Variants in FBN1 observed in about 807,000 individuals in gnomAD.
FBN1 encodes the protein fibrillin-1.
FBN1 carries 29 observed loss-of-function variants against 365.1 expected under a neutral mutation model. That is an observed-to-expected ratio of 0.08 (90% CI 0.06 to 0.11). The LOEUF (loss-of-function observed/expected upper bound fraction) is 0.11, where lower values mean the gene tolerates loss of function less well. Among genes scored for constraint, FBN1 ranks in the 10% least tolerant of loss-of-function variants. The pLI, the probability that FBN1 is intolerant of heterozygous loss-of-function variation, is 1.00. For synonymous variants in FBN1, 1,210 were observed against 1,270.5 expected, an observed-to-expected ratio of 0.95 and a Z score of 1.01; for missense variants, 2,476 against 3,703.2, an observed-to-expected ratio of 0.67 and a Z score of 8.60.
rs181756931 is a variant in FBN1 at position 48,488,090 on chromosome 15, T to G, written c.3337+23A>C. 7.9e-4 allele frequency: 1,268 copies of G among 1,614,134 alleles called. 2 individuals carry two copies. The highest frequency in any genetic ancestry group is 1.0e-3 in the Non-Finnish European group (1,198 of 1,179,978). On this transcript the variant is annotated intron_variant, in intron 27 of 65. Coordinates refer to ENST00000316623, the MANE Select transcript of FBN1 (RefSeq NM_000138.5). Reference sequence around the variant, plus strand: ...TCATGGAATCCTTCTCTTTCTGTGTTGATCAAATGATCCCAAACTTACCCA... The same window carrying G: ...TCATGGAATCCTTCTCTTTCTGTGTGGATCAAATGATCCCAAACTTACCCA...
chr15:48,554,420 G>A (rs1287348663), intron 6 of FBN1, among the ~76,000 whole-genome samples: 4 of 152,192 alleles, frequency 2.6e-5, no homozygotes, highest in Non-Finnish European at 5.9e-5. Flanking sequence ...CAGTGTTGGA[G>A]TGTTGTTTGC....
At chr15:48,529,105 A>C (rs1444111171) in intron 8 of FBN1, 1 of 152,226 alleles carries the variant, frequency 6.6e-6, no homozygotes, top group Non-Finnish European at 1.5e-5. Flanking sequence ...AGTTTCTATA[A>C]ATCAGGCTGT....
chr15:48,476,236 C>T (rs1286835476), intron 32 of FBN1, among the ~76,000 whole-genome samples: 1 of 152,224 alleles, frequency 6.6e-6, no homozygotes, highest in Non-Finnish European at 1.5e-5. Context: ...GTCGAAACTT[C>T]TTTCTGCCTC....
chr15:48,432,734 C>T, intron 55 of FBN1, 132 bp downstream of exon 55: 1 of 1,201,912 alleles, frequency 8.3e-7, no homozygotes, highest in Non-Finnish European at 1.2e-6. Flanking sequence ...GTGGCAGTGA[C>T]AACCCCCGTA....
chr15:48,422,908 C>G (rs1188428660), intron 60 of FBN1, among the ~76,000 whole-genome samples: 2 of 152,080 alleles, frequency 1.3e-5, no homozygotes, highest in Admixed American at 6.5e-5. Context: ...GCCTGGGCAA[C>G]AGAGTGAAAC....
intron 19 of FBN1, among the ~76,000 whole-genome samples, chr15:48,496,939 A>AC (rs1238112374): frequency 6.6e-6 from 1 of 152,228 alleles, no homozygotes. Flanking sequence ...ATCAAGGTTG[A>AC]CTTTGTAGTC....
chr15:48,542,939 G>C (rs1476988583), intron 6 of FBN1, among the ~76,000 whole-genome samples: 1 of 151,854 alleles, frequency 6.6e-6, no homozygotes, highest in Non-Finnish European at 1.5e-5. Context: ...CTAACTTTAG[G>C]AACATAAGCC....
intron 16 of FBN1, among the ~76,000 whole-genome samples, chr15:48,504,593 T>C (rs1387959188): frequency 6.6e-6 from 1 of 152,230 alleles, no homozygotes; most frequent in Non-Finnish European, 1.5e-5. Flanking sequence ...GTCTCATACT[T>C]TTTATAAAGC....
At chr15:48,461,173 C>G (rs1353050767) in intron 42 of FBN1, among the ~76,000 whole-genome samples, 1 of 152,158 alleles carries the variant, frequency 6.6e-6, no homozygotes, top group Non-Finnish European at 1.5e-5. Context: ...CACTGTAACG[C>G]CAGCTGACAT....
intron 6 of FBN1, among the ~76,000 whole-genome samples, chr15:48,546,647 A>G (rs1467992249): frequency 6.6e-6 from 1 of 152,178 alleles, no homozygotes; most frequent in Non-Finnish European, 1.5e-5. Context: ...AAAGCTCAAT[A>G]AAAAGCCACT....
intron 32 of FBN1, among the ~76,000 whole-genome samples, chr15:48,475,438 T>C (rs1434150076): frequency 6.6e-6 from 1 of 152,200 alleles, no homozygotes; most frequent in Non-Finnish European, 1.5e-5. Flanking sequence ...TTAGCCAAGA[T>C]AGACTCTCTA....
At chr15:48,571,572 T>C (rs1021576008) in intron 6 of FBN1, among the ~76,000 whole-genome samples, 6 of 152,142 alleles carry the variant, frequency 3.9e-5, no homozygotes, top group African/African-American at 1.4e-4. Flanking sequence ...TTTAAGAACC[T>C]ATTTCAATAA....
intron 52 of FBN1, 73 bp downstream of exon 52, chr15:48,437,249 A>C: frequency 1.4e-6 from 2 of 1,439,364 alleles, no homozygotes; most frequent in Non-Finnish European, 2.0e-6. Context: ...AGATGGAGAA[A>C]AATAAGAATA....
chr15:48,516,099 G>T, intron 11 of FBN1, 84 bp downstream of exon 11: 1 of 1,297,152 alleles, frequency 7.7e-7, no homozygotes, highest in Non-Finnish European at 1.1e-6. Flanking sequence ...CTTATTTAAT[G>T]ACTAAAGTAG....
intron 63 of FBN1, 26 bp downstream of exon 63, chr15:48,420,661 C>A: frequency 6.2e-7 from 1 of 1,613,862 alleles, no homozygotes; most frequent in Non-Finnish European, 8.5e-7. Context: ...AGCCATGCAT[C>A]TTGAGAGTGA....
intron 6 of FBN1, among the ~76,000 whole-genome samples, chr15:48,557,198 T>C (rs939329560): frequency 2.0e-4 from 31 of 152,190 alleles, no homozygotes; most frequent in Non-Finnish European, 4.0e-4. Flanking sequence ...TGTGAATTCC[T>C]GACTTTGAGG....
At chr15:48,498,359 T>G (rs2043625659) in intron 18 of FBN1, among the ~76,000 whole-genome samples, 1 of 152,208 alleles carries the variant, frequency 6.6e-6, no homozygotes, top group Non-Finnish European at 1.5e-5. Flanking sequence ...CAGTCCATGT[T>G]CTTTCAGATC....
At chr15:48,536,787 C>G (rs764546572) in intron 7 of FBN1, among the ~76,000 whole-genome samples, 1 of 152,182 alleles carries the variant, frequency 6.6e-6, no homozygotes, top group African/African-American at 2.4e-5. Flanking sequence ...TTGCACATTA[C>G]CCTTAGAATT....
intron 6 of FBN1, among the ~76,000 whole-genome samples, chr15:48,568,049 G>GAAAGAAGAAAGAAAGAAAGAAAGA (rs369157930): frequency 1.2e-3 from 50 of 40,122 alleles, no homozygotes; most frequent in African/African-American, 3.3e-3. Context: ...AAGAAAGAAA[G>GAAAGAAGAAAGAAAGAAAGAAAGA]AAGAAAGAAA....
Sources: allele counts gnomAD v4.1 joint callset (sites outside exome capture counted in the v4.1 genomes callset), GRCh38; gene constraint gnomAD v4.1.1; transcripts MANE v1.5; gene names NCBI Gene and HGNC (gene_info 2026-07-23, HGNC 2026-07-21).